MDFIC2: variants seen among roughly 807,000 people sequenced by gnomAD.
MDFIC2 encodes the protein myoD family inhibitor domain-containing protein 2.
At chr3:70,309,531 A>G (rs1034325828) in intron 2 of MDFIC2, among the ~76,000 whole-genome samples, 1 of 152,192 alleles carries the variant, frequency 6.6e-6, no homozygotes, top group Non-Finnish European at 1.5e-5. Flanking sequence ...GCTCAGGGAG[A>G]TAAAGTAACA....
At chr3:70,300,921 T>C (rs193028679) in intron 2 of MDFIC2, among the ~76,000 whole-genome samples, 1 of 152,120 alleles carries the variant, frequency 6.6e-6, no homozygotes, top group Non-Finnish European at 1.5e-5. Context: ...TAAAAAAAAG[T>C]CAAGAAAGCC....
At chr3:70,219,027 T>C (rs779255926) in intron 2 of MDFIC2, among the ~76,000 whole-genome samples, 1 of 152,202 alleles carries the variant, frequency 6.6e-6, no homozygotes, top group African/African-American at 2.4e-5. Context: ...AGAATGTTCA[T>C]TTGTTCCAAT....
intron 2 of MDFIC2, among the ~76,000 whole-genome samples, chr3:70,222,350 T>C (rs1701467632): frequency 6.6e-6 from 1 of 152,240 alleles, no homozygotes; most frequent in East Asian, 1.9e-4. Flanking sequence ...TTTTAGCTCA[T>C]TGCTAAGAGC....
In MDFIC2 at chr3:70,195,415, A is replaced by G. The variant is rs903409953; in HGVS notation, c.*1511T>C. Among the ~76,000 whole-genome samples, 1 of 152,204 alleles carries G rather than the reference A, an allele frequency of 6.6e-6. No homozygotes were observed. Among genetic ancestry groups the G allele is most frequent in the Non-Finnish European group, 1.5e-5 (1 of 68,034 alleles). ...ACTGCACTTCCAGGAGCAAGTTGAG[A>G]GTGGTTAAATGCCTTTTTAGAGGCA... On this transcript the variant is annotated 3_prime_UTR_variant, in exon 4 of 4. Transcript: ENST00000567252.
chr3:70,267,201 G>A (rs2106667212), intron 2 of MDFIC2, among the ~76,000 whole-genome samples: 1 of 152,086 alleles, frequency 6.6e-6, no homozygotes, highest in African/African-American at 2.4e-5. Context: ...TCCCCCTTAT[G>A]TTTTAGACAG....
At chr3:70,294,186 A>G (rs771302329) in intron 2 of MDFIC2, among the ~76,000 whole-genome samples, 4 of 152,204 alleles carry the variant, frequency 2.6e-5, no homozygotes, top group African/African-American at 4.8e-5. Context: ...ATAGAAATTT[A>G]CAGTTTTCTG....
chr3:70,276,292 A>G (rs1702025080), intron 2 of MDFIC2, among the ~76,000 whole-genome samples: 2 of 152,202 alleles, frequency 1.3e-5, no homozygotes, highest in South Asian at 2.1e-4. Flanking sequence ...CCAATTTTAT[A>G]TACTGTCATT....
At chr3:70,256,569 A>G (rs1471934896) in intron 2 of MDFIC2, among the ~76,000 whole-genome samples, 1 of 152,160 alleles carries the variant, frequency 6.6e-6, no homozygotes, top group African/African-American at 2.4e-5. Flanking sequence ...ATATTGGAAA[A>G]CCTATGCTAT....
chr3:70,250,932 T>C (rs1436831895), intron 2 of MDFIC2, among the ~76,000 whole-genome samples: 1 of 152,246 alleles, frequency 6.6e-6, no homozygotes, highest in Non-Finnish European at 1.5e-5. Flanking sequence ...CAATAAAATT[T>C]AATCTATTTA....
rs1204240532 is a variant in MDFIC2 at position 70,197,152 on chromosome 3, A to C, written c.344T>G (p.Phe115Cys). 2 of 398,446 alleles carry C rather than the reference A, an allele frequency of 5.0e-6. No individual in the cohort carries two copies. Among genetic ancestry groups the C allele is most frequent in the Non-Finnish European group, 8.8e-6 (2 of 226,072 alleles). 24.7% of individuals were successfully genotyped at this position (398,446 alleles called of 1,614,324 possible). Reference sequence around the variant, plus strand: ...CAGGAGACAGTCCCAAAACTGGCAAAACAGACAGGCGAGGATAAGGGAGGC... The same window carrying C: ...CAGGAGACAGTCCCAAAACTGGCAACACAGACAGGCGAGGATAAGGGAGGC... ...ECASLILACLFCQFWDCLLML... is the reference protein window; with the variant it reads ...ECASLILACLCCQFWDCLLML... The change falls in exon 4 of 4, where the codon TTT (phenylalanine) becomes TGT (cysteine). Residue 115 changes from phenylalanine (F) to cysteine (C), a missense_variant. Phe to Cys is a radical substitution (Grantham distance 205). Transcript: ENST00000567252.
intron 2 of MDFIC2, among the ~76,000 whole-genome samples, chr3:70,210,177 T>G (rs1701329639): frequency 6.6e-6 from 1 of 152,154 alleles, no homozygotes; most frequent in Non-Finnish European, 1.5e-5. Flanking sequence ...ATTCTCTTTT[T>G]AATTTTGTGA....
At position 70,269,234 on chromosome 3, in the gene MDFIC2, G is replaced by T. The variant is rs574490146; in HGVS notation, c.88+42652C>A. Among the ~76,000 whole-genome samples, 104 of 152,144 alleles carry T rather than the reference G, an allele frequency of 6.8e-4. 1 individual carries two copies. The highest frequency in any genetic ancestry group is 2.0e-3 in the Admixed American group (31 of 15,264). Reference sequence around the variant, plus strand: ...AAAATTAATTAATTATCAATTATAGGCTAGGTCATAAAAGAACCAATAAAT... The same window carrying T: ...AAAATTAATTAATTATCAATTATAGTCTAGGTCATAAAAGAACCAATAAAT... On this transcript the variant is annotated intron_variant, in intron 2 of 3. Coordinates refer to ENST00000567252, the MANE Select transcript of MDFIC2 (RefSeq NM_001364677.1).
At chr3:70,236,538 A>G (rs1701610753) in intron 2 of MDFIC2, among the ~76,000 whole-genome samples, 1 of 152,194 alleles carries the variant, frequency 6.6e-6, no homozygotes, top group Admixed American at 6.5e-5. Context: ...TAATGATAAT[A>G]TTAATTTTTT....
chr3:70,265,664 G>T (rs1331134523), intron 2 of MDFIC2, among the ~76,000 whole-genome samples: 1 of 152,194 alleles, frequency 6.6e-6, no homozygotes, highest in Non-Finnish European at 1.5e-5. Flanking sequence ...CTTACCAAAT[G>T]TATTAGTCCA....
At chr3:70,243,575 A>G (rs754524839) in intron 2 of MDFIC2, among the ~76,000 whole-genome samples, 2 of 152,198 alleles carry the variant, frequency 1.3e-5, no homozygotes, top group East Asian at 1.9e-4. Context: ...GTCATTTTGG[A>G]CTGGAGAATT....
intron 2 of MDFIC2, among the ~76,000 whole-genome samples, chr3:70,293,693 C>G (rs1238276038): frequency 6.6e-6 from 1 of 151,962 alleles, no homozygotes; most frequent in Admixed American, 6.6e-5. Context: ...GAAAAACATT[C>G]TATTTCACTA....
At chr3:70,248,022 T>G (rs1559544337) in intron 2 of MDFIC2, among the ~76,000 whole-genome samples, 1 of 152,000 alleles carries the variant, frequency 6.6e-6, no homozygotes, top group Non-Finnish European at 1.5e-5. Context: ...CGATCCATCT[T>G]TGTAGTATTT....
chr3:70,217,119 A>G (rs1230926254), intron 2 of MDFIC2, among the ~76,000 whole-genome samples: 2 of 152,096 alleles, frequency 1.3e-5, no homozygotes, highest in African/African-American at 2.4e-5. Context: ...CTTGACCAAA[A>G]TGCTGCCTAA....
chr3:70,225,257 C>A (rs984938886), intron 2 of MDFIC2, among the ~76,000 whole-genome samples: 7 of 152,102 alleles, frequency 4.6e-5, no homozygotes, highest in African/African-American at 1.4e-4. Context: ...TTTCAATAAA[C>A]TTTTCCCCAG....
Sources: gnomAD v4.1 joint callset for allele counts (sites outside exome capture counted in the v4.1 genomes callset) on GRCh38, gnomAD v4.1.1 for gene constraint, MANE v1.5 for transcripts, NCBI Gene and HGNC (gene_info 2026-07-23, HGNC 2026-07-21) for gene names.